ABCA9: variants seen among roughly 807,000 people sequenced by gnomAD.
The protein encoded by ABCA9 is ATP binding cassette subfamily A member 9.
A neutral mutation model predicts 205.3 loss-of-function variants in ABCA9; 183 were observed. The ratio of observed to expected loss-of-function variants is 0.89; its 90% CI spans 0.79 to 1.01. The LOEUF (loss-of-function observed/expected upper bound fraction) is 1.01, where lower values mean the gene tolerates loss of function less well. ABCA9 is among the 50% of genes least tolerant of loss of function. The pLI, the probability that ABCA9 is intolerant of heterozygous loss-of-function variation, is 0.00. For synonymous variants in ABCA9, 651 were observed against 683.3 expected (o/e 0.95, Z 0.74); for missense variants, 1,805 against 1,912.4 (o/e 0.94, Z 1.05).
intron 6 of ABCA9, among the ~76,000 whole-genome samples, chr17:69,036,737 T>C (rs965864757): frequency 3.3e-5 from 5 of 151,548 alleles, no homozygotes; most frequent in African/African-American, 1.2e-4. Flanking sequence ...CAGATGCCAG[T>C]ATCCAATTTG....
the ABCA9 span, among the ~76,000 whole-genome samples, chr17:69,071,740 T>C: frequency 1.3e-5 from 2 of 151,974 alleles, no homozygotes. Flanking sequence ...GGATAGATAA[T>C]GAGTTTGATG....
chr17:69,065,352 A>G (rs2072336260), upstream of ABCA9, among the ~76,000 whole-genome samples: 1 of 152,238 alleles, frequency 6.6e-6, no homozygotes, highest in African/African-American at 2.4e-5. Flanking sequence ...CCATCTTGAA[A>G]TGGGAAAGCA....
intron 31 of ABCA9, chr17:68,986,656 G>A (rs933788722): frequency 5.0e-5 from 10 of 199,216 alleles, no homozygotes; most frequent in African/African-American, 6.9e-5. Flanking sequence ...ATTCTGTTTC[G>A]CCAGTGATAG....
chr17:68,982,446 T>A, intron 37 of ABCA9, 116 bp downstream of exon 37: 1 of 770,490 alleles, frequency 1.3e-6, no homozygotes, highest in South Asian at 1.7e-5. Context: ...GTCTTAGTAA[T>A]GTATTAATGA....
chr17:69,012,699 T>G (rs2070425765), intron 22 of ABCA9, among the ~76,000 whole-genome samples: 1 of 152,162 alleles, frequency 6.6e-6, no homozygotes, highest in Non-Finnish European at 1.5e-5. Context: ...GAATGGGGTA[T>G]CCATACCCTC....
At chr17:69,024,405 C>T (rs761603480) in intron 16 of ABCA9, 52 bp from the exon 17 acceptor site, 175 of 1,465,226 alleles carry the variant, frequency 1.2e-4, no homozygotes, top group Non-Finnish European at 3.2e-5. Flanking sequence ...GTCTATAAAA[C>T]AATTTCCTAA....
intron 9 of ABCA9, 197 bp downstream of exon 9, chr17:69,033,529 A>G: frequency 2.5e-6 from 1 of 399,418 alleles, no homozygotes. Context: ...TCTCTTTTTA[A>G]AAAGAAACAC....
chr17:69,036,023 A>G (rs2071327144), intron 6 of ABCA9, among the ~76,000 whole-genome samples: 1 of 152,218 alleles, frequency 6.6e-6, no homozygotes, highest in African/African-American at 2.4e-5. Context: ...CAAAATAAGT[A>G]AAGCTGGATG....
At chr17:69,024,466 G>T in intron 16 of ABCA9, 113 bp from the exon 17 acceptor site, 2 of 1,064,752 alleles carry the variant, frequency 1.9e-6, no homozygotes, top group Non-Finnish European at 2.6e-6. Context: ...ACAAAAAAAT[G>T]TGTAGTTTAC....
chr17:69,051,084 G>A lies in ABCA9; in HGVS notation c.43C>T (p.Leu15Phe). 1.2e-6 allele frequency: 2 copies of A among 1,613,692 alleles called. No individual in the cohort carries two copies. Among genetic ancestry groups the A allele is most frequent in the Non-Finnish European group, 1.7e-6 (2 of 1,179,832 alleles). Residue 15 changes from leucine (L) to phenylalanine (F), a missense_variant, in exon 2 of 39, where the codon CTT (leucine) becomes TTT (phenylalanine). By Grantham distance (22) the Leu-to-Phe change is conservative (BLOSUM62 0). Coordinates refer to ENST00000340001, the MANE Select transcript of ABCA9 (RefSeq NM_080283.4). Reference protein sequence around the residue: ...RMSVGQQTWALLCKNCLKKWR... With the variant: ...RMSVGQQTWAFLCKNCLKKWR... ...TTTTTGAGACAGTTCTTGCAGAGAA[G>A]AGCCCATGTTTGCTGACCCACGCTC...
intron 25 of ABCA9, among the ~76,000 whole-genome samples, chr17:69,004,006 G>A (rs183074242): frequency 1.3e-5 from 2 of 152,190 alleles, no homozygotes; most frequent in East Asian, 1.9e-4. Flanking sequence ...CGTTATTCTA[G>A]TTATACTTTC....
At chr17:68,988,883 T>A (rs1308122025) in intron 31 of ABCA9, 144 bp downstream of exon 31, 3 of 536,354 alleles carry the variant, frequency 5.6e-6, no homozygotes, top group Admixed American at 3.1e-5. Context: ...TTTTTGGAAT[T>A]AAGTATATAA....
At chr17:69,028,894 C>T (rs146387085) in intron 11 of ABCA9, among the ~76,000 whole-genome samples, 1 of 152,174 alleles carries the variant, frequency 6.6e-6, no homozygotes, top group African/African-American at 2.4e-5. Flanking sequence ...AACAATAATA[C>T]AATTTTAGAG....
At chr17:69,044,651 C>G in intron 4 of ABCA9, 51 bp from the exon 5 acceptor site, 1 of 1,521,492 alleles carries the variant, frequency 6.6e-7, no homozygotes. Flanking sequence ...ATCTTGGCTA[C>G]AGAAAAAAAC....
chr17:69,048,124 G>A (rs139851930), intron 3 of ABCA9, among the ~76,000 whole-genome samples: 169 of 152,248 alleles, frequency 1.1e-3, no homozygotes, highest in African/African-American at 4.0e-3. Context: ...ACAGCATGGG[G>A]GAAATTGCTC....
intron 18 of ABCA9, among the ~76,000 whole-genome samples, chr17:69,021,195 A>C (rs1369531754): frequency 2.6e-5 from 4 of 152,090 alleles, no homozygotes; most frequent in Admixed American, 6.6e-5. Context: ...AAAATGCTTG[A>C]TCAATCCAAA....
At chr17:69,016,914 A>G (rs2070639428) in intron 21 of ABCA9, among the ~76,000 whole-genome samples, 1 of 152,084 alleles carries the variant, frequency 6.6e-6, no homozygotes, top group African/African-American at 2.4e-5. Flanking sequence ...AAGTAAATTC[A>G]TTATCCATAT....
chr17:68,984,275 C>A (rs938679865), intron 34 of ABCA9, 100 bp from the exon 35 acceptor site: 2 of 1,513,186 alleles, frequency 1.3e-6, no homozygotes, highest in East Asian at 2.3e-5. Flanking sequence ...AAACATGCAG[C>A]GAATTCAGAC....
chr17:69,055,084 A>T (rs772186395), intron 1 of ABCA9, among the ~76,000 whole-genome samples: 23 of 152,218 alleles, frequency 1.5e-4, no homozygotes, highest in Non-Finnish European at 3.4e-4. Flanking sequence ...CCAAAAATAG[A>T]ATTGAAGACT....
Sources: allele counts gnomAD v4.1 joint callset (sites outside exome capture counted in the v4.1 genomes callset), GRCh38; gene constraint gnomAD v4.1.1; transcripts MANE v1.5; gene names NCBI Gene and HGNC (gene_info 2026-07-23, HGNC 2026-07-21).